The following ZRANB3 variants were observed in gnomAD, a reference collection of about 807,000 sequenced individuals.
ZRANB3 encodes DNA annealing helicase and endonuclease ZRANB3.
ZRANB3 carries 125 observed loss-of-function variants against 133.8 expected under a neutral mutation model. That is an observed-to-expected ratio of 0.93 (90% CI 0.81 to 1.08). The LOEUF is 1.08. Among genes scored for constraint, ZRANB3 ranks in the 50% least tolerant of loss-of-function variants. The pLI is 0.00. For missense variants in ZRANB3, 1,229 were observed against 1,275.5 expected, an observed-to-expected ratio of 0.96 and a Z score of 0.56; for synonymous variants, 387 against 432.7, an observed-to-expected ratio of 0.89 and a Z score of 1.31.
At position 135,197,036 on chromosome 2, in the gene ZRANB3, G is replaced by A. The variant is rs1693438168; in HGVS notation, c.*3306C>T. 2 of 152,036 alleles carry A rather than the reference G, an allele frequency of 1.3e-5. No individual in the cohort carries two copies. The highest frequency in any genetic ancestry group is 2.1e-4 in the South Asian group (1 of 4,808). 9.4% of individuals were successfully genotyped at this position (152,036 alleles called of 1,614,324 possible). ...CAATGGTAATTATGAACACAACCAG[G>A]GTGGCAAAAACACCCTTAACGATAT... On this transcript the variant is annotated 3_prime_UTR_variant, in exon 21 of 21. Transcript: ENST00000264159.
chr2:135,362,129 C>T (rs1288577323), intron 3 of ZRANB3, among the ~76,000 whole-genome samples: 1 of 149,284 alleles, frequency 6.7e-6, no homozygotes, highest in East Asian at 2.0e-4. Context: ...ACCTGGGAGG[C>T]GGAGCTTGCA....
chr2:135,524,598 C>T (rs999618721), intron 1 of ZRANB3, among the ~76,000 whole-genome samples: 24 of 152,026 alleles, frequency 1.6e-4, no homozygotes, highest in African/African-American at 5.8e-4. Flanking sequence ...TAATAAATTA[C>T]AAGAAAAGCT....
At chr2:135,353,722 T>A in intron 3 of ZRANB3, 94 bp from the exon 4 acceptor site, 1 of 860,488 alleles carries the variant, frequency 1.2e-6, no homozygotes, top group Non-Finnish European at 1.6e-6. Context: ...TATTATTAGC[T>A]GGGTGTGATG....
chr2:135,465,011 C>T lies in ZRANB3; in HGVS notation c.161+39318G>A, dbSNP rs139222842. Among the ~76,000 whole-genome samples the T allele has an allele frequency of 3.7e-3, 558 of 152,018 alleles. 2 individuals carry two copies. The highest frequency in any genetic ancestry group is 5.2e-3 in the Non-Finnish European group (353 of 67,976). On this transcript the variant is annotated intron_variant, in intron 2 of 20. Coordinates refer to ENST00000264159, the MANE Select transcript of ZRANB3 (RefSeq NM_032143.4). ...TCACCAAGAGAAACTAAAAATGGGGCGGTAGAAGGCATTTCAGTCTATAGG... is the reference window on the plus strand; with the variant it reads ...TCACCAAGAGAAACTAAAAATGGGGTGGTAGAAGGCATTTCAGTCTATAGG...
chr2:135,243,374 C>A (rs554562808), intron 12 of ZRANB3, among the ~76,000 whole-genome samples: 38 of 152,196 alleles, frequency 2.5e-4, no homozygotes, highest in African/African-American at 8.4e-4. Context: ...ATTAGCCGTG[C>A]GTAGCGTTGG....
At chr2:135,360,124 A>G (rs1429909379) in intron 3 of ZRANB3, among the ~76,000 whole-genome samples, 1 of 152,166 alleles carries the variant, frequency 6.6e-6, no homozygotes, top group Non-Finnish European at 1.5e-5. Flanking sequence ...CACACCTGTA[A>G]TCCCAGCACT....
intron 2 of ZRANB3, among the ~76,000 whole-genome samples, chr2:135,429,080 C>T (rs909153033): frequency 6.6e-6 from 1 of 152,212 alleles, no homozygotes; most frequent in African/African-American, 2.4e-5. Flanking sequence ...AAGACACATA[C>T]ACGCATATGT....
Position 135,350,016 on chromosome 2 carries a change from T to G in ZRANB3, c.559A>C (p.Thr187Pro), listed in dbSNP as rs1685126776. Residue 187 changes from threonine (T) to proline (P), a missense_variant, in exon 5 of 21, where the codon ACA becomes CCA. Physicochemically the swap from Thr to Pro is conservative, Grantham distance 38. Coordinates refer to ENST00000264159, the MANE Select transcript of ZRANB3 (RefSeq NM_032143.4). Reference protein sequence around the residue: ...VQKARRAILLTGTPALGRPEE... With the variant: ...VQKARRAILLPGTPALGRPEE... ...GGCCTTCCTAAAGCTGGTGTTCCTG[T>G]AAGAAGAATGGCTCGTCTGGCTTTC... The G allele has an allele frequency of 1.2e-6, 2 of 1,613,832 alleles. No homozygotes were observed. The highest frequency in any genetic ancestry group is 1.7e-6 in the Non-Finnish European group (2 of 1,179,842).
intron 2 of ZRANB3, among the ~76,000 whole-genome samples, chr2:135,408,398 A>G (rs1241765248): frequency 6.6e-6 from 1 of 152,190 alleles, no homozygotes; most frequent in African/African-American, 2.4e-5. Context: ...TAGTTCAGCC[A>G]TTGTGGAAAT....
intron 2 of ZRANB3, among the ~76,000 whole-genome samples, chr2:135,401,934 C>A (rs1271182705): frequency 1.3e-5 from 2 of 152,124 alleles, no homozygotes; most frequent in African/African-American, 4.8e-5. Context: ...TCAATAGCAT[C>A]AATTTAGCAT....
intron 12 of ZRANB3, among the ~76,000 whole-genome samples, chr2:135,231,702 T>C (rs1695023838): frequency 6.6e-6 from 1 of 151,988 alleles, no homozygotes; most frequent in African/African-American, 2.4e-5. Context: ...GTGGGAAGAC[T>C]GCTGGAGCCT....
chr2:135,282,824 T>A (rs1475966237), intron 8 of ZRANB3, among the ~76,000 whole-genome samples: 1 of 152,228 alleles, frequency 6.6e-6, no homozygotes, highest in Non-Finnish European at 1.5e-5. Context: ...GCAATCATTA[T>A]CAATCAATCT....
rs144068404 is a variant in ZRANB3 at position 135,338,470 on chromosome 2, G to A, written c.677+7080C>T. On this transcript the variant is annotated intron_variant, in intron 6 of 20. Coordinates refer to ENST00000264159, the MANE Select transcript of ZRANB3 (RefSeq NM_032143.4). ...CATGCAAAGTGGACACCACAGTGCC[G>A]CGTGGCTTCTATAGAGAAGTCTCAG... Among the ~76,000 whole-genome samples the A allele has an allele frequency of 2.2e-4, 34 of 152,342 alleles. 1 individual carries two copies. In the East Asian group the frequency reaches 5.4e-3, roughly 24 times the overall value.
chr2:135,418,141 T>C (rs1688673171), intron 2 of ZRANB3, among the ~76,000 whole-genome samples: 1 of 151,976 alleles, frequency 6.6e-6, no homozygotes, highest in African/African-American at 2.4e-5. Context: ...AAAAATATAG[T>C]AAAAACAATA....
At chr2:135,442,589 C>T (rs189741899) in intron 2 of ZRANB3, among the ~76,000 whole-genome samples, 215 of 152,304 alleles carry the variant, frequency 1.4e-3, no homozygotes, top group African/African-American at 4.9e-3. Flanking sequence ...CGCTTTTACA[C>T]TGTTGGTGGG....
chr2:135,366,295 C>A (rs981535375), intron 3 of ZRANB3, among the ~76,000 whole-genome samples: 1 of 151,430 alleles, frequency 6.6e-6, no homozygotes, highest in African/African-American at 2.4e-5. Flanking sequence ...AGAAAGGACG[C>A]CTTTGTGAAA....
At chr2:135,389,700 G>T (rs183187443) in intron 3 of ZRANB3, among the ~76,000 whole-genome samples, 14 of 152,080 alleles carry the variant, frequency 9.2e-5, no homozygotes, top group African/African-American at 3.4e-4. Flanking sequence ...GCCAGATTCC[G>T]TCTCAAAAGA....
Position 135,389,876 on chromosome 2 carries a change from CTT to C in ZRANB3, c.180+924_180+925del, listed in dbSNP as rs1165827390. Among the ~76,000 whole-genome samples the C allele has an allele frequency of 2.4e-3, 246 of 102,288 alleles. 1 individual carries two copies. The highest frequency in any genetic ancestry group is 9.6e-3 in the African/African-American group (234 of 24,286). The allele number at this position is 102,288 out of a possible 152,430, so 67.1% of individuals were successfully genotyped here. ...GAAAAGTGTATGTTTTGCTGTTATTCTTTTTTTTTTTTTTTTTTTTTTGAGAC... is the reference window on the plus strand; with the variant it reads ...GAAAAGTGTATGTTTTGCTGTTATTCTTTTTTTTTTTTTTTTTTTTGAGAC... On this transcript the variant is annotated intron_variant, in intron 3 of 20. Transcript: ENST00000264159.
intron 2 of ZRANB3, among the ~76,000 whole-genome samples, chr2:135,481,173 C>A (rs1691784890): frequency 6.6e-6 from 1 of 151,266 alleles, no homozygotes; most frequent in African/African-American, 2.4e-5. Context: ...AGTTCTAGAT[C>A]CCTGAGGAAT....
Sources: allele counts gnomAD v4.1 joint callset (sites outside exome capture counted in the v4.1 genomes callset), GRCh38; gene constraint gnomAD v4.1.1; transcripts MANE v1.5; gene names NCBI Gene and HGNC (gene_info 2026-07-23, HGNC 2026-07-21).